Variants in LNX1 observed in about 807,000 individuals in gnomAD.
The protein encoded by LNX1 is E3 ubiquitin-protein ligase LNX.
In LNX1, 54 loss-of-function variants were observed where a neutral mutation model predicts 68.4. The observed-to-expected ratio is 0.79, with a 90% CI of 0.63 to 0.99. LNX1 has a LOEUF of 0.99. LNX1 is among the 50% of genes least tolerant of loss of function. The pLI, the probability that LNX1 is intolerant of heterozygous loss-of-function variation, is 0.00. For missense variants in LNX1, 906 were observed against 926.4 expected (o/e 0.98, Z 0.29); for synonymous variants, 336 against 350.0 (o/e 0.96, Z 0.45).
intron 9 of LNX1, among the ~76,000 whole-genome samples, chr4:53,468,145 G>A (rs576027547): frequency 6.6e-5 from 10 of 152,258 alleles, no homozygotes; most frequent in East Asian, 1.9e-4. Flanking sequence ...CTGATCTCTC[G>A]GCAGAAACTC....
Position 53,481,738 on chromosome 4 carries a change from C to T in LNX1, c.1467G>A (p.Glu489=). 4 of 1,613,788 alleles carry T rather than the reference C, an allele frequency of 2.5e-6. No homozygotes were observed. Among genetic ancestry groups the T allele is most frequent in the Non-Finnish European group, 2.5e-6 (3 of 1,179,798 alleles). The change falls in exon 7 of 11, where the codon GAG becomes GAA. Residue 489 remains glutamate, a synonymous_variant. Transcript: ENST00000263925. ...GCCTCACCTTGGGAGTGTTGCTCCT[C>T]TCCCCTGGCCCTGGGGACCAGCTGC... ...SNGSWSPGPG[E]RSNTPKPLHP...
Position 53,460,789 on chromosome 4 carries a change from C to T in LNX1, c.*118G>A, listed in dbSNP as rs1171223431. 1.4e-5 allele frequency: 15 copies of T among 1,053,558 alleles called. No homozygotes were observed. The highest frequency in any genetic ancestry group is 1.6e-5 in the Non-Finnish European group (12 of 730,790). The allele number at this position is 1,053,558 out of a possible 1,614,324, so 65.3% of individuals were successfully genotyped here. ...GCTTTCATTAGATGATCATACTTTT[C>T]CTGACATTTTTACAATGTATTCTTT... On this transcript the variant is annotated 3_prime_UTR_variant, in exon 11 of 11. Coordinates refer to ENST00000263925, the MANE Select transcript of LNX1 (RefSeq NM_001126328.3).
intron 1 of LNX1, among the ~76,000 whole-genome samples, chr4:53,630,882 A>C (rs376690297): frequency 7.9e-5 from 12 of 152,326 alleles, no homozygotes; most frequent in Admixed American, 4.6e-4. Flanking sequence ...ATCAAGAAAC[A>C]ATTGCATCAG....
chr4:53,586,396 C>T (rs1732175414), intron 1 of LNX1, among the ~76,000 whole-genome samples: 1 of 152,220 alleles, frequency 6.6e-6, no homozygotes, highest in South Asian at 2.1e-4. Context: ...CATGCATGTG[C>T]TATTGTGCCA....
At chr4:53,571,235 G>A (rs1731147375) in intron 2 of LNX1, among the ~76,000 whole-genome samples, 1 of 151,884 alleles carries the variant, frequency 6.6e-6, no homozygotes, top group South Asian at 2.1e-4. Context: ...AGCCAAATTG[G>A]TCTCAAACTC....
upstream of LNX1, chr4:53,591,581 A>T: frequency 1.0e-6 from 1 of 985,432 alleles, no homozygotes; most frequent in Non-Finnish European, 1.2e-6. Flanking sequence ...GGAAGCCCCG[A>T]CAGATAAAGC....
intron 2 of LNX1, among the ~76,000 whole-genome samples, chr4:53,610,472 C>A (rs1434447357): frequency 6.6e-6 from 1 of 151,896 alleles, no homozygotes; most frequent in Non-Finnish European, 1.5e-5. Flanking sequence ...CTTTGGGAGG[C>A]CGAGGTGGGC....
At chr4:53,615,672 TG>T (rs1348055102) in intron 2 of LNX1, among the ~76,000 whole-genome samples, 5 of 152,340 alleles carry the variant, frequency 3.3e-5, no homozygotes, top group Admixed American at 2.0e-4. Context: ...TTGAAGTGGT[TG>T]GTAATACAAC....
intron 6 of LNX1, among the ~76,000 whole-genome samples, chr4:53,486,711 C>A (rs192892238): frequency 1.3e-4 from 20 of 152,282 alleles, no homozygotes; most frequent in East Asian, 9.6e-4. Context: ...AGGGTTAAAA[C>A]TAAGTAGCGT....
At chr4:53,647,086 G>A (rs1246197184) in intron 1 of LNX1, among the ~76,000 whole-genome samples, 5 of 152,200 alleles carry the variant, frequency 3.3e-5, no homozygotes, top group Non-Finnish European at 7.3e-5. Flanking sequence ...CAGAGGTTAG[G>A]TGGATGCTTC....
intron 2 of LNX1, among the ~76,000 whole-genome samples, chr4:53,518,346 G>C (rs1472820958): frequency 6.6e-6 from 1 of 152,126 alleles, no homozygotes; most frequent in Non-Finnish European, 1.5e-5. Context: ...CCAATTTCAG[G>C]GTGAGAGGGA....
chr4:53,551,750 C>T (rs911480038), intron 2 of LNX1, among the ~76,000 whole-genome samples: 1 of 152,168 alleles, frequency 6.6e-6, no homozygotes, highest in East Asian at 1.9e-4. Context: ...AGTGTACTTC[C>T]TTTTGTTCCT....
At chr4:53,500,205 C>T (rs1440948573) in intron 4 of LNX1, 1 of 152,162 alleles carries the variant, frequency 6.6e-6, no homozygotes, top group African/African-American at 2.4e-5. Context: ...CAGGCCAGAG[C>T]CCATGAGGGA....
chr4:53,468,320 C>T (rs1164786650), intron 9 of LNX1, among the ~76,000 whole-genome samples: 12 of 152,112 alleles, frequency 7.9e-5, no homozygotes, highest in Non-Finnish European at 1.8e-4. Flanking sequence ...CCAGGCCTGC[C>T]CTAAAAGAGC....
chr4:53,491,800 T>TTTTTTTTTTTTTTTTTTTTTTA lies in LNX1; in HGVS notation c.1350+4222_1350+4223insTAAAAAAAAAAAAAAAAAAAAA, dbSNP rs1724697233. Among the ~76,000 whole-genome samples, 2 of 127,876 alleles carry TTTTTTTTTTTTTTTTTTTTTTA rather than the reference T, an allele frequency of 1.6e-5. 1 individual carries two copies. Among genetic ancestry groups the TTTTTTTTTTTTTTTTTTTTTTA allele is most frequent in the African/African-American group, 5.6e-5 (2 of 35,472 alleles). 83.9% of individuals were successfully genotyped at this position (127,876 alleles called of 152,430 possible). ...GTGCTGAGGATACGATACTTTTTTT[T>TTTTTTTTTTTTTTTTTTTTTTA]GTTTGTTTGTTTTTTGAGAAAAGTT... On this transcript the variant is annotated intron_variant, in intron 6 of 10. Transcript: ENST00000263925.
At chr4:53,646,205 C>T (rs1201843056) in intron 1 of LNX1, among the ~76,000 whole-genome samples, 1 of 152,034 alleles carries the variant, frequency 6.6e-6, no homozygotes, top group Non-Finnish European at 1.5e-5. Context: ...TTTATATTTC[C>T]CATGATTTTA....
At chr4:53,631,984 G>A (rs1577814385) in intron 1 of LNX1, among the ~76,000 whole-genome samples, 1 of 152,256 alleles carries the variant, frequency 6.6e-6, no homozygotes, top group South Asian at 2.1e-4. Flanking sequence ...GAAAGAGTTG[G>A]GGATTAATGT....
chr4:53,536,005 C>G (rs891474181), intron 2 of LNX1, among the ~76,000 whole-genome samples: 5 of 152,132 alleles, frequency 3.3e-5, no homozygotes, highest in Non-Finnish European at 5.9e-5. Flanking sequence ...CTGATAGAAG[C>G]CTTGTGGGTT....
chr4:53,562,075 G>T (rs1390887388), intron 2 of LNX1, among the ~76,000 whole-genome samples: 1 of 152,152 alleles, frequency 6.6e-6, no homozygotes, highest in African/African-American at 2.4e-5. Context: ...TTCATTCAGG[G>T]CCTGACCTAT....
Sources: allele counts gnomAD v4.1 joint callset (sites outside exome capture counted in the v4.1 genomes callset), GRCh38; gene constraint gnomAD v4.1.1; transcripts MANE v1.5; gene names NCBI Gene and HGNC (gene_info 2026-07-23, HGNC 2026-07-21).